The following EYS variants were observed in gnomAD, a reference collection of about 807,000 sequenced individuals.
The protein encoded by EYS is protein eyes shut homolog.
Under a neutral mutation model 282.1 loss-of-function variants are expected in EYS, and 250 were observed. The observed-to-expected ratio is 0.89, with a 90% confidence interval of 0.80 to 0.98. The LOEUF (loss-of-function observed/expected upper bound fraction) is 0.98, where lower values mean the gene tolerates loss of function less well. Ranked by LOEUF, EYS falls within the 50% of genes least tolerant of loss-of-function variation. The pLI is 0.00. For synonymous variants in EYS, 1,355 were observed against 1,282.9 expected (o/e 1.06, Z -1.20); for missense variants, 4,016 against 3,709.0 (o/e 1.08, Z -2.15).
chr6:65,537,381 T>C (rs559892584), intron 2 of EYS, among the ~76,000 whole-genome samples: 1 of 152,268 alleles, frequency 6.6e-6, no homozygotes, highest in African/African-American at 2.4e-5. Flanking sequence ...TATCATACCC[T>C]TCAAGTATGT....
At chr6:65,542,155 T>C (rs924648822) in intron 2 of EYS, among the ~76,000 whole-genome samples, 1 of 152,186 alleles carries the variant, frequency 6.6e-6, no homozygotes, top group Admixed American at 6.5e-5. Context: ...TTGAGTAGTT[T>C]ATGAATTCTA....
intron 12 of EYS, among the ~76,000 whole-genome samples, chr6:65,094,989 A>G (rs1283184056): frequency 2.0e-5 from 3 of 147,890 alleles, no homozygotes; most frequent in African/African-American, 7.8e-5. Flanking sequence ...TACTCAAAAT[A>G]AAAAAAATAG....
At chr6:65,696,398 C>T (rs1769459154) in intron 1 of EYS, among the ~76,000 whole-genome samples, 1 of 151,920 alleles carries the variant, frequency 6.6e-6, no homozygotes, top group Non-Finnish European at 1.5e-5. Context: ...TATTAGACAA[C>T]TTTTGAAGTT....
chr6:64,520,050 A>C (rs566952285), intron 26 of EYS, among the ~76,000 whole-genome samples: 52 of 151,928 alleles, frequency 3.4e-4, no homozygotes, highest in African/African-American at 1.2e-3. Flanking sequence ...GGAAACTCTA[A>C]AACAGAGAGA....
chr6:63,985,985 G>A (rs764610997), intron 34 of EYS, among the ~76,000 whole-genome samples: 1 of 151,818 alleles, frequency 6.6e-6, no homozygotes, highest in African/African-American at 2.4e-5. Context: ...AGAGTAAATA[G>A]ACAATCTAAA....
At chr6:64,952,081 A>T (rs1290664762) in intron 14 of EYS, among the ~76,000 whole-genome samples, 2 of 151,986 alleles carry the variant, frequency 1.3e-5, no homozygotes, top group African/African-American at 4.8e-5. Context: ...ACAAAGACAT[A>T]TTATCTTCAA....
intron 29 of EYS, among the ~76,000 whole-genome samples, chr6:64,358,906 A>T (rs1771917373): frequency 6.6e-6 from 1 of 151,720 alleles, no homozygotes; most frequent in African/African-American, 2.4e-5. Flanking sequence ...TTGATCATCC[A>T]TAATTTTGTC....
chr6:64,721,645 A>G (rs1027737210), intron 22 of EYS, among the ~76,000 whole-genome samples: 4 of 152,142 alleles, frequency 2.6e-5, no homozygotes. Flanking sequence ...TTTTCTGAAA[A>G]TGAGGGAAAA....
chr6:65,443,953 C>A (rs1319448459), intron 5 of EYS, among the ~76,000 whole-genome samples: 1 of 151,526 alleles, frequency 6.6e-6, no homozygotes, highest in African/African-American at 2.4e-5. Context: ...AAATAATTAA[C>A]CTAAGCTGGA....
chr6:65,535,532 G>A (rs964629604), intron 2 of EYS, among the ~76,000 whole-genome samples: 7 of 152,128 alleles, frequency 4.6e-5, no homozygotes, highest in African/African-American at 1.7e-4. Flanking sequence ...GTGGAAGTGT[G>A]AGTCCTTTAA....
In EYS at chr6:63,990,783, C is replaced by T. The variant is rs188719094; in HGVS notation, c.6835-6180G>A. ...GTCTCAGAATGCTGATGGGACCTGG[C>T]TTACTCTCAATATCTGGGGACTGCT... On this transcript the variant is annotated intron_variant, in intron 34 of 42. Transcript: ENST00000503581. Among the ~76,000 whole-genome samples, 84 of 151,650 alleles carry T rather than the reference C, an allele frequency of 5.5e-4. 3 individuals are homozygous for T. The highest frequency in any genetic ancestry group is 3.4e-3 in the Middle Eastern group (1 of 294).
At chr6:65,414,961 C>T (rs1767172823) in intron 5 of EYS, among the ~76,000 whole-genome samples, 1 of 151,548 alleles carries the variant, frequency 6.6e-6, no homozygotes, top group African/African-American at 2.4e-5. Flanking sequence ...TGGGAAGGTA[C>T]CTGAAAAGTT....
chr6:65,615,387 TA>T (rs1452748782), intron 2 of EYS, among the ~76,000 whole-genome samples: 1 of 29,188 alleles, frequency 3.4e-5, no homozygotes. Flanking sequence ...TTTATTTATT[TA>T]TATATATATA....
chr6:65,399,664 C>G (rs1287707859), intron 7 of EYS, among the ~76,000 whole-genome samples: 1 of 151,970 alleles, frequency 6.6e-6, no homozygotes, highest in Non-Finnish European at 1.5e-5. Flanking sequence ...TGTGAGCAAT[C>G]TAACTCAGTG....
chr6:64,137,403 C>T (rs1197472448), intron 31 of EYS, among the ~76,000 whole-genome samples: 1 of 152,096 alleles, frequency 6.6e-6, no homozygotes, highest in Non-Finnish European at 1.5e-5. Flanking sequence ...CACAACTTGG[C>T]TAAGTAGTGC....
intron 26 of EYS, among the ~76,000 whole-genome samples, chr6:64,492,477 T>G (rs1776768973): frequency 6.6e-6 from 1 of 151,288 alleles, no homozygotes; most frequent in South Asian, 2.1e-4. Flanking sequence ...TTTTTGTTGT[T>G]GTTGTTGTTG....
chr6:64,416,836 T>A (rs11751189), intron 28 of EYS, among the ~76,000 whole-genome samples: 42,151 of 152,048 alleles, frequency 0.28, 5,962 homozygotes, highest in East Asian at 0.47. Context: ...AACAAAAAAT[T>A]ATCAATGTTG....
At chr6:64,664,872 CA>C (rs1262064086) in intron 22 of EYS, among the ~76,000 whole-genome samples, 1 of 152,114 alleles carries the variant, frequency 6.6e-6, no homozygotes, top group Non-Finnish European at 1.5e-5. Flanking sequence ...ACAAGCCGTC[CA>C]GTTTAAGGTG....
At chr6:64,657,361 C>G (rs6454951) in intron 22 of EYS, among the ~76,000 whole-genome samples, 97,195 of 151,996 alleles carry the variant, frequency 0.64, 31,292 homozygotes, top group African/African-American at 0.71. Context: ...TACATTTAGG[C>G]TTAATATTGT....
Sources: allele counts gnomAD v4.1 joint callset (sites outside exome capture counted in the v4.1 genomes callset), GRCh38; gene constraint gnomAD v4.1.1; transcripts MANE v1.5; gene names NCBI Gene and HGNC (gene_info 2026-07-23, HGNC 2026-07-21).